Variants in DLGAP1 observed in about 807,000 individuals in gnomAD.
DLGAP1 encodes the protein disks large-associated protein 1.
DLGAP1 carries 11 observed loss-of-function variants against 90.8 expected under a neutral mutation model. That is an observed-to-expected ratio of 0.12 (90% CI 0.08 to 0.20). DLGAP1 has a LOEUF of 0.20. Among genes scored for constraint, DLGAP1 ranks in the 10% least tolerant of loss-of-function variants. The pLI is 1.00. For missense variants in DLGAP1, 1,050 were observed against 1,333.8 expected (o/e 0.79, Z 3.31); for synonymous variants, 558 against 540.7 (o/e 1.03, Z -0.44).
At chr18:3,817,352 G>C (rs2067158579) in intron 4 of DLGAP1, among the ~76,000 whole-genome samples, 2 of 152,172 alleles carry the variant, frequency 1.3e-5, no homozygotes, top group South Asian at 4.1e-4. Context: ...AACCAGCTGA[G>C]AAGTATTTAA....
At chr18:3,806,334 C>T (rs1449450375) in intron 5 of DLGAP1, among the ~76,000 whole-genome samples, 1 of 152,172 alleles carries the variant, frequency 6.6e-6, no homozygotes, top group Non-Finnish European at 1.5e-5. Flanking sequence ...ACACCGCCAG[C>T]CTCTGAATTT....
At chr18:4,411,452 G>A (rs1023766908) in intron 1 of DLGAP1, among the ~76,000 whole-genome samples, 4 of 152,112 alleles carry the variant, frequency 2.6e-5, no homozygotes, top group East Asian at 1.9e-4. Context: ...AGGGTATAGC[G>A]GGCAGAGAAA....
At chr18:4,179,808 C>T (rs1258024101) in intron 1 of DLGAP1, among the ~76,000 whole-genome samples, 1 of 152,150 alleles carries the variant, frequency 6.6e-6, no homozygotes, top group African/African-American at 2.4e-5. Flanking sequence ...TCCCAGTAAC[C>T]TCACTCAACA....
chr18:4,105,336 T>G (rs2075841521), intron 2 of DLGAP1, among the ~76,000 whole-genome samples: 2 of 152,180 alleles, frequency 1.3e-5, no homozygotes, highest in Admixed American at 6.5e-5. Flanking sequence ...CGTGCACACA[T>G]GCCCAGGAAT....
intron 3 of DLGAP1, among the ~76,000 whole-genome samples, chr18:3,913,488 C>T (rs1408308597): frequency 1.3e-5 from 2 of 152,204 alleles, no homozygotes; most frequent in African/African-American, 4.8e-5. Context: ...TATCACTCTA[C>T]ATGGAATATA....
At chr18:3,836,206 T>C (rs1442499925) in intron 4 of DLGAP1, among the ~76,000 whole-genome samples, 9 of 152,140 alleles carry the variant, frequency 5.9e-5, no homozygotes, top group Admixed American at 3.3e-4. Flanking sequence ...CTTGGTAGCA[T>C]TGCTGATGGC....
At position 3,893,620 on chromosome 18, in the gene DLGAP1, T is replaced by G. The variant is rs559304054; in HGVS notation, c.-72-13480A>C. 6.8e-4 allele frequency among the ~76,000 whole-genome samples: 97 copies of G among 143,420 alleles called. 1 individual carries two copies. The highest frequency in any genetic ancestry group is 1.2e-3 in the African/African-American group (47 of 39,436). 94.1% of individuals were successfully genotyped at this position (143,420 alleles called of 152,430 possible). A position where few individuals can be genotyped will look rare whatever the true frequency, so the allele number is the denominator to read the frequency against. ...ATAATAATAATAATAATAATAATAA[T>G]AAGAACAATTCAATCATCTATTGGT... On this transcript the variant is annotated intron_variant, in intron 3 of 12. Coordinates refer to ENST00000315677, the MANE Select transcript of DLGAP1 (RefSeq NM_004746.4).
At chr18:4,185,676 T>C (rs970298537) in intron 1 of DLGAP1, among the ~76,000 whole-genome samples, 1 of 151,954 alleles carries the variant, frequency 6.6e-6, no homozygotes, top group Admixed American at 6.6e-5. Flanking sequence ...TTCATTTAGG[T>C]TGAATGCCAT....
At chr18:3,648,354 G>T (rs756544753) in intron 7 of DLGAP1, among the ~76,000 whole-genome samples, 2 of 152,236 alleles carry the variant, frequency 1.3e-5, no homozygotes, top group South Asian at 2.1e-4. Flanking sequence ...CAATATTTAC[G>T]CATGTAAAGC....
intron 3 of DLGAP1, among the ~76,000 whole-genome samples, chr18:3,901,418 G>A (rs1298548362): frequency 2.0e-5 from 3 of 152,016 alleles, no homozygotes; most frequent in African/African-American, 7.2e-5. Context: ...TACACTTTCT[G>A]CTTTACACCC....
At chr18:4,249,016 T>C (rs2078717430) in intron 1 of DLGAP1, among the ~76,000 whole-genome samples, 1 of 152,220 alleles carries the variant, frequency 6.6e-6, no homozygotes, top group Admixed American at 6.5e-5. Flanking sequence ...TGCATCTATT[T>C]ATGTCTCTAT....
intron 3 of DLGAP1, among the ~76,000 whole-genome samples, chr18:4,003,552 C>T (rs970644219): frequency 6.9e-6 from 1 of 145,820 alleles, no homozygotes; most frequent in African/African-American, 2.5e-5. Context: ...CAAAGTATTT[C>T]ATTTTACAGG....
At chr18:3,924,660 A>G (rs531931202) in intron 3 of DLGAP1, among the ~76,000 whole-genome samples, 89 of 152,194 alleles carry the variant, frequency 5.8e-4, no homozygotes, top group Non-Finnish European at 1.2e-3. Context: ...GTGATGACAC[A>G]TACTTGACCT....
chr18:3,898,959 T>G (rs552847120), intron 3 of DLGAP1, among the ~76,000 whole-genome samples: 1 of 152,318 alleles, frequency 6.6e-6, no homozygotes, highest in South Asian at 2.1e-4. Flanking sequence ...GAGGAAATGA[T>G]GAACTTCTCC....
At chr18:4,075,362 A>C (rs1200766772) in intron 2 of DLGAP1, among the ~76,000 whole-genome samples, 3 of 152,164 alleles carry the variant, frequency 2.0e-5, no homozygotes, top group African/African-American at 7.2e-5. Flanking sequence ...AAGCAAATAT[A>C]ACACTTTCTC....
intron 1 of DLGAP1, among the ~76,000 whole-genome samples, chr18:4,154,310 T>A (rs1283210407): frequency 6.6e-6 from 1 of 151,590 alleles, no homozygotes; most frequent in Non-Finnish European, 1.5e-5. Context: ...CCTCAAGTGA[T>A]CCTCCTGCCT....
At chr18:4,313,472 T>C (rs895433390) in intron 1 of DLGAP1, among the ~76,000 whole-genome samples, 4 of 152,150 alleles carry the variant, frequency 2.6e-5, no homozygotes, top group African/African-American at 4.8e-5. Flanking sequence ...TTTTTATTAC[T>C]TAAAACTGCC....
intron 7 of DLGAP1, among the ~76,000 whole-genome samples, chr18:3,583,191 T>TTCCTTCTTTCCTTCCC (rs71159095): frequency 8.1e-5 from 12 of 147,382 alleles, no homozygotes; most frequent in South Asian, 2.2e-4. Context: ...CCTACCTTCC[T>TTCCTTCTTTCCTTCCC]TCCTTCCTTC....
chr18:3,541,969 C>T (rs2052718333), intron 9 of DLGAP1, among the ~76,000 whole-genome samples: 2 of 151,936 alleles, frequency 1.3e-5, no homozygotes, highest in South Asian at 4.2e-4. Flanking sequence ...CGAGGAGTGG[C>T]TCTCATAATA....
Sources: allele counts gnomAD v4.1 joint callset (sites outside exome capture counted in the v4.1 genomes callset), GRCh38; gene constraint gnomAD v4.1.1; transcripts MANE v1.5; gene names NCBI Gene and HGNC (gene_info 2026-07-23, HGNC 2026-07-21).